NMT1: variants seen among roughly 807,000 people sequenced by gnomAD.
NMT1 encodes glycylpeptide N-tetradecanoyltransferase 1.
A neutral mutation model predicts 63.4 loss-of-function variants in NMT1; 12 were observed. The observed-to-expected ratio is 0.19, with a 90% CI of 0.12 to 0.31. NMT1 has a LOEUF of 0.31. NMT1 is among the 10% of genes least tolerant of loss of function. NMT1 has a pLI of 1.00. For missense variants in NMT1, 432 were observed against 634.6 expected, an observed-to-expected ratio of 0.68 and a Z score of 3.43; for synonymous variants, 228 against 234.3, an observed-to-expected ratio of 0.97 and a Z score of 0.25.
chr17:45,073,947 G>A (rs899135124), intron 1 of NMT1, among the ~76,000 whole-genome samples: 6 of 152,112 alleles, frequency 3.9e-5, no homozygotes, highest in South Asian at 4.1e-4. Context: ...AGTTTTGAGC[G>A]GATTGCATCA....
chr17:45,067,750 A>T (rs973367483), intron 1 of NMT1, among the ~76,000 whole-genome samples: 4 of 152,372 alleles, frequency 2.6e-5, no homozygotes, highest in African/African-American at 9.6e-5. Context: ...ATATCAAATA[A>T]GTGTTCTAAT....
intron 3 of NMT1, among the ~76,000 whole-genome samples, chr17:45,092,979 T>C (rs945679600): frequency 1.3e-5 from 2 of 152,228 alleles, no homozygotes; most frequent in Admixed American, 6.5e-5. Flanking sequence ...TGAGTCCGAT[T>C]GAGCTCTGGA....
intron 1 of NMT1, among the ~76,000 whole-genome samples, chr17:45,070,103 C>T (rs1190773060): frequency 6.6e-6 from 1 of 152,170 alleles, no homozygotes; most frequent in Non-Finnish European, 1.5e-5. Flanking sequence ...CTCTAAAAAG[C>T]AGTTATCGTC....
intron 3 of NMT1, among the ~76,000 whole-genome samples, chr17:45,092,231 C>G (rs958078008): frequency 1.3e-5 from 2 of 152,104 alleles, no homozygotes; most frequent in African/African-American, 4.8e-5. Context: ...GGACTTGGTC[C>G]TTTTTCCTGC....
chr17:45,075,142 C>G (rs529226253), intron 1 of NMT1, among the ~76,000 whole-genome samples: 1 of 152,264 alleles, frequency 6.6e-6, no homozygotes, highest in East Asian at 1.9e-4. Flanking sequence ...GAGCCATGAT[C>G]GTGCCACTGC....
intron 1 of NMT1, among the ~76,000 whole-genome samples, chr17:45,076,202 G>A (rs2053976129): frequency 6.6e-6 from 1 of 152,148 alleles, no homozygotes; most frequent in African/African-American, 2.4e-5. Context: ...CTTCTGTGAA[G>A]TGGCGTTGGC....
intron 4 of NMT1, 67 bp downstream of exon 4, chr17:45,093,870 C>T: frequency 1.6e-6 from 2 of 1,266,682 alleles, no homozygotes; most frequent in Non-Finnish European, 2.3e-6. Flanking sequence ...CCTGCAGTCT[C>T]ACCTAGACTA....
chr17:45,100,766 G>A (rs369165645), intron 8 of NMT1, among the ~76,000 whole-genome samples: 1 of 147,154 alleles, frequency 6.8e-6, no homozygotes, highest in South Asian at 2.2e-4. Context: ...GGGAGGCTGA[G>A]GCAGGAGAAT....
intron 1 of NMT1, among the ~76,000 whole-genome samples, chr17:45,072,247 G>A (rs2053944805): frequency 7.0e-6 from 1 of 143,594 alleles, no homozygotes; most frequent in African/African-American, 2.5e-5. Flanking sequence ...GTAAGAAACT[G>A]TCTTTACAAA....
chr17:45,104,288 G>A lies in NMT1; in HGVS notation c.1332+412G>A. The A allele has an allele frequency of 9.3e-6, 11 of 1,185,292 alleles. No individual in the cohort carries two copies. In the South Asian group the frequency reaches 1.1e-4, roughly 12 times the overall value. The allele number at this position is 1,185,292 out of a possible 1,614,324, so 73.4% of individuals were successfully genotyped here. On this transcript the variant is annotated intron_variant, in intron 10 of 11. Coordinates refer to ENST00000258960, the MANE Select transcript of NMT1 (RefSeq NM_021079.5). This position sits in a 1 kb window ranked among gnomAD's most constrained non-coding sequence, Gnocchi z 4.2. ...CGAGCCCGTCTGTCAGTGCTTTGCT[G>A]TGGGTTCTGGTAACCTGTGCCCAGC...
intron 8 of NMT1, chr17:45,099,808 A>G: frequency 2.8e-6 from 1 of 361,946 alleles, no homozygotes; most frequent in Non-Finnish European, 5.2e-6. Flanking sequence ...TAAAGCATAA[A>G]TAGAATGATG....
intron 1 of NMT1, among the ~76,000 whole-genome samples, chr17:45,080,560 C>A (rs1256700034): frequency 6.7e-6 from 1 of 150,126 alleles, no homozygotes; most frequent in Non-Finnish European, 1.5e-5. Flanking sequence ...GCTCTACCTC[C>A]CAGGTTCACA....
chr17:45,099,502 C>T lies in NMT1; in HGVS notation c.982C>T (p.Arg328Ter). ...MTMQRTMKLY[R>*]LPETPKTAGL... Reference sequence around the variant, plus strand: ...CATGCAGCGCACCATGAAGCTCTACCGACTGCCAGAGGCCAGTGCTGCCCC... The same window carrying T: ...CATGCAGCGCACCATGAAGCTCTACTGACTGCCAGAGGCCAGTGCTGCCCC... The change falls in exon 8 of 12, where the codon CGA (arginine) becomes TGA (stop). Residue 328 changes from arginine (R) to a stop codon, truncating the protein, a stop_gained. Transcript: ENST00000258960. LOFTEE classifies it high-confidence loss of function. 1 of 1,612,984 alleles carries T rather than the reference C, an allele frequency of 6.2e-7. No homozygotes were observed. Among genetic ancestry groups the T allele is most frequent in the Non-Finnish European group, 8.5e-7 (1 of 1,178,966 alleles).
chr17:45,073,805 AT>A (rs2053958506), intron 1 of NMT1, among the ~76,000 whole-genome samples: 1 of 152,190 alleles, frequency 6.6e-6, no homozygotes. Flanking sequence ...TTGATAACCA[AT>A]TTGCCTCACA....
chr17:45,078,048 A>G (rs2053988710), intron 1 of NMT1, among the ~76,000 whole-genome samples: 1 of 152,080 alleles, frequency 6.6e-6, no homozygotes, highest in Admixed American at 6.6e-5. Context: ...GACTAAAGGA[A>G]CCTTCAGACT....
chr17:45,083,784 TTTA>T (rs1012745853), intron 2 of NMT1: 18 of 152,246 alleles, frequency 1.2e-4, no homozygotes, highest in African/African-American at 4.3e-4. Context: ...AGCTAATTTT[TTTA>T]TTATTTGTAG....
Position 45,103,249 on chromosome 17 carries a change from C to A in NMT1, c.1164+128C>A. ...CTTGACCATCCGTGTTTGGTCCTCCCTAAAAACAGGGAGTTGGTGCTTGAA... is the reference window on the plus strand; with the variant it reads ...CTTGACCATCCGTGTTTGGTCCTCCATAAAAACAGGGAGTTGGTGCTTGAA... On this transcript the variant is annotated intron_variant, in intron 9 of 11. Transcript: ENST00000258960. The surrounding 1 kb of genome is among the most constrained non-coding windows in gnomAD (Gnocchi z 4.8). 1 of 884,086 alleles carries A rather than the reference C, an allele frequency of 1.1e-6. No individual in the cohort carries two copies. The highest frequency in any genetic ancestry group is 1.7e-6 in the Non-Finnish European group (1 of 574,702). 54.8% of individuals were successfully genotyped at this position (884,086 alleles called of 1,614,324 possible).
At position 45,103,792 on chromosome 17, in the gene NMT1, C is replaced by T. The variant is rs773592883; in HGVS notation, c.1248C>T (p.Leu416=). ...TGAACCATCCAACCCACAAGAGTCT[C>T]AAAGCTGCTTATTCTTTCTACAACG... ...TIMNHPTHKS[L]KAAYSFYNVH... The change falls in exon 10 of 12, where the codon CTC becomes CTT. Residue 416 remains leucine (L), a synonymous_variant. Transcript: ENST00000258960. The surrounding 1 kb of genome is among the most constrained non-coding windows in gnomAD (Gnocchi z 4.8). 2 of 1,614,204 alleles carry T rather than the reference C, an allele frequency of 1.2e-6. No homozygotes were observed. Among genetic ancestry groups the T allele is most frequent in the Non-Finnish European group, 1.7e-6 (2 of 1,180,038 alleles).
In NMT1 at chr17:45,098,559, C is replaced by T. The variant is rs1309883142; in HGVS notation, c.884+7C>T. 2 of 1,612,720 alleles carry T rather than the reference C, an allele frequency of 1.2e-6. No individual in the cohort carries two copies. The highest frequency in any genetic ancestry group is 1.7e-6 in the Non-Finnish European group (2 of 1,179,390). Reference sequence around the variant, plus strand: ...AGCCCGTTGGCACCTGCAGGTAAAACTGTCTTCCTGTAAGGCCCCAAAAAT... The same window carrying T: ...AGCCCGTTGGCACCTGCAGGTAAAATTGTCTTCCTGTAAGGCCCCAAAAAT... On this transcript the variant is annotated splice_region_variant and intron_variant, in intron 7 of 11. Coordinates refer to ENST00000258960, the MANE Select transcript of NMT1 (RefSeq NM_021079.5).
Sources: allele counts gnomAD v4.1 joint callset (sites outside exome capture counted in the v4.1 genomes callset), GRCh38; gene constraint gnomAD v4.1.1; non-coding constraint Gnocchi (gnomAD v3.1); transcripts MANE v1.5; gene names NCBI Gene and HGNC (gene_info 2026-07-23, HGNC 2026-07-21).